Variants in TRIQK observed in about 807,000 individuals in gnomAD.
TRIQK encodes triple QxxK/R motif-containing protein.
In TRIQK, 10 loss-of-function variants were observed where a neutral mutation model predicts 10.8. The observed-to-expected ratio is 0.92, with a 90% CI of 0.57 to 1.57. The LOEUF (loss-of-function observed/expected upper bound fraction) is 1.57, where lower values mean the gene tolerates loss of function less well. Among genes scored for constraint, TRIQK ranks in the 40% most tolerant of loss-of-function variants. The probability of loss-of-function intolerance (pLI) is 0.00; values close to 1 mark genes in which losing one functional copy is unlikely to be tolerated. For synonymous variants in TRIQK, 33 were observed against 33.7 expected (o/e 0.98, Z 0.07); for missense variants, 107 against 97.7 (o/e 1.09, Z -0.40).
At chr8:93,010,765 C>T (rs914123665) in intron 1 of TRIQK, among the ~76,000 whole-genome samples, 3 of 151,856 alleles carry the variant, frequency 2.0e-5, no homozygotes, top group African/African-American at 7.3e-5. Flanking sequence ...GCAAATACTG[C>T]AATAATTCAT....
intron 2 of TRIQK, among the ~76,000 whole-genome samples, chr8:92,930,225 C>T (rs1369832884): frequency 6.6e-6 from 1 of 150,490 alleles, no homozygotes; most frequent in Non-Finnish European, 1.5e-5. Flanking sequence ...CACGTCTCTA[C>T]TAAATATACA....
rs3062508 is a variant in TRIQK, at chr8:93,017,110, GGAGAGAGAGAGAGAGAGAGAGAGAGAGA to G, written c.-181+471_-181+498del. Among the ~76,000 whole-genome samples the G allele has an allele frequency of 6.3e-4, 59 of 93,316 alleles. 1 individual carries two copies. The highest frequency in any genetic ancestry group is 8.0e-4 in the South Asian group (2 of 2,496). 61.2% of individuals were successfully genotyped at this position (93,316 alleles called of 152,430 possible). On this transcript the variant is annotated intron_variant, in intron 1 of 4. Coordinates refer to the TRIQK transcript ENST00000520686. ...CACAAATGTAGCAATATATATACTTGGAGAGAGAGAGAGAGAGAGAGAGAGAGAGAGAGAGAGAGAGAGAGAGAGAGAG... is the reference window on the plus strand; with the variant it reads ...CACAAATGTAGCAATATATATACTTGGAGAGAGAGAGAGAGAGAGAGAGAG...
intron 2 of TRIQK, among the ~76,000 whole-genome samples, chr8:92,927,033 A>C (rs1381531121): frequency 6.6e-6 from 1 of 152,206 alleles, no homozygotes; most frequent in Non-Finnish European, 1.5e-5. Context: ...CTTGGGCAAC[A>C]GACTTGAGGC....
At chr8:92,998,490 T>G (rs1256420702) in intron 1 of TRIQK, among the ~76,000 whole-genome samples, 4 of 151,944 alleles carry the variant, frequency 2.6e-5, no homozygotes, top group Non-Finnish European at 5.9e-5. Context: ...GAAAATTAAA[T>G]TAAGTCAATA....
intron 3 of TRIQK, among the ~76,000 whole-genome samples, chr8:92,897,293 T>C (rs1194077170): frequency 6.6e-6 from 1 of 152,126 alleles, no homozygotes; most frequent in Admixed American, 6.5e-5. Flanking sequence ...TTGGGACTAT[T>C]GAGATGGAAT....
chr8:92,925,895 A>G (rs1022954502), intron 2 of TRIQK, among the ~76,000 whole-genome samples: 2 of 152,180 alleles, frequency 1.3e-5, no homozygotes, highest in African/African-American at 4.8e-5. Flanking sequence ...ACTTTCTACA[A>G]AAATGGTCAT....
upstream of TRIQK, among the ~76,000 whole-genome samples, chr8:92,970,688 G>C (rs61117206): frequency 0.1 from 15,489 of 152,042 alleles, 1,869 homozygotes; most frequent in African/African-American, 0.29. Context: ...CCTGTAGATT[G>C]TAGATATTAG....
At chr8:93,006,786 A>C (rs1813277650) in intron 1 of TRIQK, among the ~76,000 whole-genome samples, 1 of 152,006 alleles carries the variant, frequency 6.6e-6, no homozygotes, top group Non-Finnish European at 1.5e-5. Flanking sequence ...CTCCCTCTTC[A>C]CTGTGTGGGG....
At chr8:92,990,860 T>C (rs1813088701) in intron 1 of TRIQK, among the ~76,000 whole-genome samples, 1 of 152,132 alleles carries the variant, frequency 6.6e-6, no homozygotes, top group South Asian at 2.1e-4. Flanking sequence ...GCAGGAGTTT[T>C]TTTTTCATAC....
At chr8:92,985,637 G>T (rs571910599) in intron 1 of TRIQK, among the ~76,000 whole-genome samples, 10 of 152,162 alleles carry the variant, frequency 6.6e-5, no homozygotes, top group African/African-American at 2.4e-4. Flanking sequence ...ATCCTTCAAG[G>T]TTTCACCAGG....
intron 3 of TRIQK, among the ~76,000 whole-genome samples, chr8:92,908,988 G>A (rs1809424605): frequency 6.6e-6 from 1 of 151,782 alleles, no homozygotes; most frequent in South Asian, 2.1e-4. Context: ...TATTACCTAA[G>A]TTACATATAA....
intron 1 of TRIQK, among the ~76,000 whole-genome samples, chr8:92,999,897 T>G (rs2130755765): frequency 6.6e-6 from 1 of 152,274 alleles, no homozygotes. Context: ...TGAGTTATAC[T>G]TGACAAAAAA....
chr8:92,912,346 T>C (rs551097180), intron 3 of TRIQK, among the ~76,000 whole-genome samples: 3 of 150,920 alleles, frequency 2.0e-5, no homozygotes, highest in East Asian at 3.9e-4. Flanking sequence ...AGAAATCAAA[T>C]GGAAAATAAG....
intron 1 of TRIQK, among the ~76,000 whole-genome samples, chr8:92,986,932 T>C (rs1465708098): frequency 6.6e-6 from 1 of 152,200 alleles, no homozygotes; most frequent in East Asian, 1.9e-4. Flanking sequence ...ATCTTGAAAG[T>C]ATTATAAATC....
At chr8:92,909,560 G>T (rs534444701) in intron 3 of TRIQK, among the ~76,000 whole-genome samples, 1 of 151,726 alleles carries the variant, frequency 6.6e-6, no homozygotes, top group East Asian at 1.9e-4. Context: ...TCAATGCTTG[G>T]ACATAACAGC....
At position 92,916,642 on chromosome 8, in the gene TRIQK, T is replaced by C. The variant is rs532502330; in HGVS notation, c.61+287A>G. Among the ~76,000 whole-genome samples the C allele has an allele frequency of 1.8e-4, 28 of 152,180 alleles. 1 individual carries two copies. In the East Asian group the frequency reaches 5.2e-3, roughly 28 times the overall value. ...ATTTAATGGATTATAAAATCAAAAA[T>C]GCTGATTATATAAAAGCATTCAGCC... On this transcript the variant is annotated intron_variant, in intron 3 of 4. Transcript: ENST00000521988.
intron 1 of TRIQK, among the ~76,000 whole-genome samples, chr8:92,989,873 A>T (rs771462327): frequency 1.3e-4 from 20 of 152,200 alleles, no homozygotes; most frequent in Admixed American, 5.2e-4. Flanking sequence ...GACACATTTG[A>T]CTACGTAAAA....
At chr8:92,926,441 A>G (rs1049384920) in intron 2 of TRIQK, 1 of 152,226 alleles carries the variant, frequency 6.6e-6, no homozygotes, top group African/African-American at 2.4e-5. Context: ...GACAGATAGC[A>G]TAGTAAGTAG....
chr8:92,923,305 A>G (rs1810281019), intron 2 of TRIQK, among the ~76,000 whole-genome samples: 1 of 151,760 alleles, frequency 6.6e-6, no homozygotes, highest in South Asian at 2.1e-4. Flanking sequence ...TAAGACAGCT[A>G]CTTGCATACA....
Sources: allele counts gnomAD v4.1 joint callset (sites outside exome capture counted in the v4.1 genomes callset), GRCh38; gene constraint gnomAD v4.1.1; transcripts MANE v1.5; gene names NCBI Gene and HGNC (gene_info 2026-07-23, HGNC 2026-07-21).